The following MAD1L1 variants were observed in gnomAD, a reference collection of about 807,000 sequenced individuals.
MAD1L1 encodes mitotic spindle assembly checkpoint protein MAD1.
MAD1L1 carries 95 observed loss-of-function variants against 96.9 expected under a neutral mutation model. The observed-to-expected ratio is 0.98, with a 90% confidence interval of 0.83 to 1.16. MAD1L1 has a LOEUF of 1.16. Ranked by LOEUF, MAD1L1 falls within the 50% of genes most tolerant of loss-of-function variation. MAD1L1 has a pLI of 0.00. For missense variants in MAD1L1, 1,007 were observed against 954.4 expected (o/e 1.06, Z -0.73); for synonymous variants, 473 against 396.6 (o/e 1.19, Z -2.29).
At chr7:1,970,755 G>A (rs1328113312) in intron 15 of MAD1L1, among the ~76,000 whole-genome samples, 1 of 152,194 alleles carries the variant, frequency 6.6e-6, no homozygotes, top group Non-Finnish European at 1.5e-5. Flanking sequence ...TCTGGTGGGG[G>A]AATGGTGGTA....
chr7:2,171,052 G>A (rs1287645988), intron 10 of MAD1L1, among the ~76,000 whole-genome samples: 4 of 152,230 alleles, frequency 2.6e-5, no homozygotes, highest in South Asian at 2.1e-4. Flanking sequence ...GGCAGAACTC[G>A]ATAGTGCTTC....
At chr7:2,044,006 G>A (rs540034554) in intron 12 of MAD1L1, among the ~76,000 whole-genome samples, 13 of 152,346 alleles carry the variant, frequency 8.5e-5, no homozygotes, top group South Asian at 8.3e-4. Flanking sequence ...AATGGACGGC[G>A]GCAGCAATGC....
In MAD1L1 at chr7:1,842,951, G is replaced by A. The variant is rs919195785; in HGVS notation, c.1999-26723C>T. Among the ~76,000 whole-genome samples the A allele has an allele frequency of 3.3e-5, 5 of 152,234 alleles. No homozygotes were observed. The East Asian group carries it at 7.7e-4, about 23-fold the overall frequency. ...GGCTGGCTGGGGTGAGTCCGAGGCC[G>A]GGCTCCAGCACAGCCTTCAAGTGAG... On this transcript the variant is annotated intron_variant, in intron 18 of 18. Coordinates refer to ENST00000265854, the MANE Select transcript of MAD1L1 (RefSeq NM_001013836.2).
At chr7:1,948,013 G>A (rs1002657139) in intron 16 of MAD1L1, among the ~76,000 whole-genome samples, 4 of 152,188 alleles carry the variant, frequency 2.6e-5, no homozygotes, top group Non-Finnish European at 4.4e-5. Context: ...ACCAGTGCCC[G>A]GGAGCGGTGG....
At chr7:1,841,871 A>T (rs1783282537) in intron 18 of MAD1L1, among the ~76,000 whole-genome samples, 1 of 152,060 alleles carries the variant, frequency 6.6e-6, no homozygotes, top group African/African-American at 2.4e-5. Context: ...CTGAGCTGGG[A>T]TTCCATCTCT....
At chr7:1,930,604 C>T (rs1468521596) in intron 17 of MAD1L1, among the ~76,000 whole-genome samples, 1 of 146,402 alleles carries the variant, frequency 6.8e-6, no homozygotes, top group Non-Finnish European at 1.5e-5. Flanking sequence ...CCCACTGCCA[C>T]GTGTCCCCTT....
At position 1,882,586 on chromosome 7, in the gene MAD1L1, C is replaced by T. The variant is rs1013660321; in HGVS notation, c.1998+15614G>A. Among the ~76,000 whole-genome samples the T allele has an allele frequency of 8.5e-5, 13 of 152,294 alleles. No individual in the cohort carries two copies. In the South Asian group the frequency reaches 1.0e-3, roughly 12 times the overall value. On this transcript the variant is annotated intron_variant, in intron 18 of 18. Coordinates refer to ENST00000265854, the MANE Select transcript of MAD1L1 (RefSeq NM_001013836.2). ...TTAACTACTTCCTATCAGCAACACC[C>T]GTGGCCACAGGGTCCTGCTCACCTC...
intron 18 of MAD1L1, among the ~76,000 whole-genome samples, chr7:1,892,355 A>G (rs1786600267): frequency 6.6e-6 from 1 of 152,212 alleles, no homozygotes; most frequent in Admixed American, 6.5e-5. Context: ...TCATCTGGCA[A>G]AGCGAGACCG....
At chr7:1,942,775 T>A (rs1779060904) in intron 16 of MAD1L1, among the ~76,000 whole-genome samples, 1 of 152,094 alleles carries the variant, frequency 6.6e-6, no homozygotes, top group African/African-American at 2.4e-5. Flanking sequence ...GAAGAACTGA[T>A]AAGCTGATTC....
chr7:2,006,791 G>A (rs1782053028), intron 13 of MAD1L1, among the ~76,000 whole-genome samples: 1 of 152,158 alleles, frequency 6.6e-6, no homozygotes, highest in African/African-American at 2.4e-5. Context: ...CTCCCAGATG[G>A]GGCACCAGGA....
At chr7:1,905,987 C>G (rs1461191056) in intron 17 of MAD1L1, among the ~76,000 whole-genome samples, 1 of 144,250 alleles carries the variant, frequency 6.9e-6, no homozygotes, top group Non-Finnish European at 1.5e-5. Flanking sequence ...TAAGCAGAGG[C>G]TGCAGTGAGC....
At chr7:1,973,726 G>A (rs1780506813) in intron 15 of MAD1L1, among the ~76,000 whole-genome samples, 1 of 152,168 alleles carries the variant, frequency 6.6e-6, no homozygotes, top group Non-Finnish European at 1.5e-5. Flanking sequence ...CTCTGACATG[G>A]GGTCCTGGGG....
At chr7:2,069,416 C>G (rs914163365) in intron 11 of MAD1L1, 78 bp from the exon 12 acceptor site, 133 of 1,385,000 alleles carry the variant, frequency 9.6e-5, no homozygotes, top group Non-Finnish European at 1.2e-4. Context: ...ACCCCAGGAA[C>G]GAGCCCACCA....
chr7:2,078,935 G>C (rs768360226), intron 11 of MAD1L1, among the ~76,000 whole-genome samples: 2 of 152,216 alleles, frequency 1.3e-5, no homozygotes, highest in African/African-American at 2.4e-5. Flanking sequence ...CCGTGCCTTG[G>C]GCACCCCCAT....
intron 18 of MAD1L1, among the ~76,000 whole-genome samples, chr7:1,897,788 C>A (rs1786975730): frequency 2.0e-5 from 3 of 152,224 alleles, no homozygotes; most frequent in Non-Finnish European, 4.4e-5. Flanking sequence ...ACTGCGCTGT[C>A]CCACTGCGCA....
intron 18 of MAD1L1, among the ~76,000 whole-genome samples, chr7:1,878,647 T>C (rs1214490392): frequency 2.0e-5 from 3 of 151,708 alleles, no homozygotes; most frequent in African/African-American, 7.3e-5. Context: ...ATAAATGGTA[T>C]CTATGAAAAA....
chr7:1,981,263 G>A (rs1046136827), intron 14 of MAD1L1, among the ~76,000 whole-genome samples: 10 of 152,184 alleles, frequency 6.6e-5, no homozygotes, highest in East Asian at 5.8e-4. Flanking sequence ...CGGTGTGCCC[G>A]GCCAGGAGTG....
intron 15 of MAD1L1, among the ~76,000 whole-genome samples, chr7:1,957,924 G>A (rs994612118): frequency 6.6e-6 from 1 of 152,226 alleles, no homozygotes; most frequent in Non-Finnish European, 1.5e-5. Context: ...GGGGGAGTCC[G>A]TGGCGGCCCC....
intron 18 of MAD1L1, among the ~76,000 whole-genome samples, chr7:1,864,163 C>A (rs1307710598): frequency 6.6e-6 from 1 of 152,212 alleles, no homozygotes; most frequent in Non-Finnish European, 1.5e-5. Context: ...TGCAGAGGAA[C>A]AAAGACCCCG....
Sources: allele counts gnomAD v4.1 joint callset (sites outside exome capture counted in the v4.1 genomes callset), GRCh38; gene constraint gnomAD v4.1.1; transcripts MANE v1.5; gene names NCBI Gene and HGNC (gene_info 2026-07-23, HGNC 2026-07-21).